Variants in VWA7 observed in about 807,000 individuals in gnomAD.
VWA7 encodes von Willebrand factor A domain containing 7, also known as von Willebrand factor A domain-containing protein 7.
VWA7 carries 66 observed loss-of-function variants against 83.1 expected under a neutral mutation model. The observed-to-expected ratio is 0.79, with a 90% CI of 0.65 to 0.98. VWA7 has a LOEUF of 0.98. Ranked by LOEUF, VWA7 falls within the 50% of genes least tolerant of loss-of-function variation. VWA7 has a pLI of 0.00. For missense variants in VWA7, 1,080 were observed against 1,160.2 expected (o/e 0.93, Z 1.00); for synonymous variants, 424 against 488.5 (o/e 0.87, Z 1.74).
chr6:31,768,682 A>G (rs1009078946), intron 10 of VWA7, among the ~76,000 whole-genome samples: 2 of 152,066 alleles, frequency 1.3e-5, no homozygotes, highest in Non-Finnish European at 2.9e-5. Context: ...GCTCTACTAA[A>G]AAAATACAAA....
Position 31,766,012 on chromosome 6 carries a change from C to T in VWA7, c.2370G>A (p.Leu790=), listed in dbSNP as rs778976169. ...CCGGGGCCGCTGAATCTGGGACCTC[C>T]AGCCACAGGCGGCCCCAGGCCGACT... is the stretch of plus-strand genomic sequence containing the variant. ...LNESAWGRLW[L]EVPDSAAPDS... The change falls in exon 16 of 17, where the codon CTG becomes CTA. Residue 790 remains leucine, a synonymous_variant. Coordinates refer to ENST00000375688, the MANE Select transcript of VWA7 (RefSeq NM_025258.3). This position sits in a 1 kb window ranked among gnomAD's most constrained non-coding sequence, Gnocchi z 4.9. The T allele has an allele frequency of 1.9e-6, 3 of 1,612,918 alleles. No homozygotes were observed. In the Admixed American group the frequency reaches 5.0e-5, roughly 27 times the overall value.
Position 31,775,512 on chromosome 6 carries a change from G to A in VWA7, c.514-83C>T, listed in dbSNP as rs966853820. On this transcript the variant is annotated intron_variant, in intron 3 of 16. Coordinates refer to ENST00000375688, the MANE Select transcript of VWA7 (RefSeq NM_025258.3). This position sits in a 1 kb window ranked among gnomAD's most constrained non-coding sequence, Gnocchi z 5.9. ...TCCAGCACTAATATGCCACTCCTTT[G>A]AGTTCCCCATCCCGAAAGTCCCCTC... 7.8e-7 allele frequency: 1 copy of A among 1,289,234 alleles called. No individual in the cohort carries two copies. The highest frequency in any genetic ancestry group is 1.1e-6 in the Non-Finnish European group (1 of 927,750). 79.9% of individuals were successfully genotyped at this position (1,289,234 alleles called of 1,614,324 possible).
chr6:31,767,968 TA>T (rs34176746), intron 10 of VWA7, among the ~76,000 whole-genome samples: 24,014 of 140,896 alleles, frequency 0.17, 2,103 homozygotes, highest in Admixed American at 0.23. Flanking sequence ...ACATCTCTAC[TA>T]AAAAAAAAAA....
At chr6:31,774,377 T>G (rs1812489106) in intron 5 of VWA7, 139 bp downstream of exon 5, 2 of 774,766 alleles carry the variant, frequency 2.6e-6, no homozygotes, top group Admixed American at 5.8e-5. Context: ...CAGGGGACTT[T>G]CCTCCACCCA....
chr6:31,765,956 C>T lies in VWA7; in HGVS notation c.2426G>A (p.Gly809Glu), dbSNP rs1044769180. 1.2e-6 allele frequency: 2 copies of T among 1,613,100 alleles called. No individual in the cohort carries two copies. Among genetic ancestry groups the T allele is most frequent in the Middle Eastern group, 1.6e-4 (1 of 6,062 alleles). The change falls in exon 16 of 17, where the codon GGG becomes GAG. Residue 809 changes from glycine (G) to glutamate (E), a missense_variant. Transcript: ENST00000375688. ...GGGTACTGGGTTGGCTTCTCGTCCCCCTGCAGTCACAGTCACCATCACCAC... is the reference window on the plus strand; with the variant it reads ...GGGTACTGGGTTGGCTTCTCGTCCCTCTGCAGTCACAGTCACCATCACCAC... ...DSVVMVTVTA[G>E]GREANPVPPT...
rs781191728 is a variant in VWA7 at position 31,776,095 on chromosome 6, A to T, written c.382T>A (p.Phe128Ile). 5 of 1,613,988 alleles carry T rather than the reference A, an allele frequency of 3.1e-6. No individual in the cohort carries two copies. In the Admixed American group the frequency reaches 8.3e-5, roughly 27 times the overall value. Residue 128 changes from phenylalanine to isoleucine, a missense_variant, in exon 3 of 17, where the codon TTT (phenylalanine) becomes ATT (isoleucine). By Grantham distance (21) the Phe-to-Ile change is conservative. Transcript: ENST00000375688. The surrounding 1 kb of genome is among the most constrained non-coding windows in gnomAD (Gnocchi z 6.2). ...CCCTGACCCAGTCGCTCAGCATCAA[A>T]GTGCAGGTCGGGGTCATTCCTGGAA... is the stretch of plus-strand genomic sequence containing the variant. ...PTSRNDPDLH[F>I]DAERLGQGRA... is the part of the protein sequence containing the mutation.
In VWA7 at chr6:31,766,694, C is replaced by A; in HGVS notation, c.1953G>T (p.Pro651=). The change falls in exon 14 of 17, where the codon CCG becomes CCT. Residue 651 remains proline, a synonymous_variant. Transcript: ENST00000375688. This position sits in a 1 kb window ranked among gnomAD's most constrained non-coding sequence, Gnocchi z 4.9. ...GSRANPGDPQ[P]HFSHVILRGV... is the part of the protein sequence containing the mutation. Reference sequence around the variant, plus strand: ...CTCGAAGGATGACGTGGGAGAAATGCGGCTGAGGATCCCCAGGATTGGCTC... The same window carrying A: ...CTCGAAGGATGACGTGGGAGAAATGAGGCTGAGGATCCCCAGGATTGGCTC... 1 of 1,612,486 alleles carries A rather than the reference C, an allele frequency of 6.2e-7. No homozygotes were observed. Among genetic ancestry groups the A allele is most frequent in the South Asian group, 1.1e-5 (1 of 91,050 alleles).
rs773855919 is a variant in VWA7 at position 31,767,653 on chromosome 6, G to A, written c.1605C>T (p.Asp535=). ...LQKITVRIHG[D]ISSFWIKNPA... ...GGTTCTTGATCCAGAAGCTGCTGAT[G>A]TCTCCGTGGATCCGGACTGTGATCT... Residue 535 remains aspartate (D), a synonymous_variant, in exon 11 of 17, where the codon GAC becomes GAT. Transcript: ENST00000375688. 7 of 1,613,234 alleles carry A rather than the reference G, an allele frequency of 4.3e-6. No homozygotes were observed. Among genetic ancestry groups the A allele is most frequent in the Middle Eastern group, 1.6e-4 (1 of 6,080 alleles).
chr6:31,776,044 G>C lies in VWA7; in HGVS notation c.433C>G (p.Arg145Gly), dbSNP rs1055621591. 6.2e-7 allele frequency: 1 copy of C among 1,613,648 alleles called. No individual in the cohort carries two copies. The highest frequency in any genetic ancestry group is 1.1e-5 in the South Asian group (1 of 91,080). ...GCCCTGGCTGCCACCACGGTCTCCC[G>C]CAGAGCCCCTACCAGGCGCGCGCGT... Reference protein sequence around the residue: ...QGRARLVGALRETVVAARALD... With the variant: ...QGRARLVGALGETVVAARALD... The change falls in exon 3 of 17, where the codon CGG (arginine) becomes GGG (glycine). Residue 145 changes from arginine (R) to glycine (G), a missense_variant. Arg to Gly is a moderately radical substitution (Grantham distance 125). Coordinates refer to ENST00000375688, the MANE Select transcript of VWA7 (RefSeq NM_025258.3). The surrounding 1 kb of genome is among the most constrained non-coding windows in gnomAD (Gnocchi z 6.2).
chr6:31,776,842 A>G lies in VWA7; in HGVS notation c.-15-48T>C. 2 of 1,143,606 alleles carry G rather than the reference A, an allele frequency of 1.7e-6. No individual in the cohort carries two copies. Among genetic ancestry groups the G allele is most frequent in the Non-Finnish European group, 2.3e-6 (2 of 851,498 alleles). The allele number at this position is 1,143,606 out of a possible 1,614,324, so 70.8% of individuals were successfully genotyped here. On this transcript the variant is annotated intron_variant, in intron 1 of 16. Transcript: ENST00000375688. This position sits in a 1 kb window ranked among gnomAD's most constrained non-coding sequence, Gnocchi z 6.2. Reference sequence around the variant, plus strand: ...GGGAGGAGGAAGCAGCCGCGATTCCAGGGCAGGCCGGCTCTGCGGGTCTCC... The same window carrying G: ...GGGAGGAGGAAGCAGCCGCGATTCCGGGGCAGGCCGGCTCTGCGGGTCTCC...
In VWA7 at chr6:31,766,816, A is replaced by G. The variant is rs1479246585; in HGVS notation, c.1883-52T>C. ...CATTGTGAGATTCGGAGACACAGGGAGAAAAGAATTAATGGCCTTCAAAAT... is the reference window on the plus strand; with the variant it reads ...CATTGTGAGATTCGGAGACACAGGGGGAAAAGAATTAATGGCCTTCAAAAT... On this transcript the variant is annotated intron_variant, in intron 13 of 16. Coordinates refer to ENST00000375688, the MANE Select transcript of VWA7 (RefSeq NM_025258.3). This position sits in a 1 kb window ranked among gnomAD's most constrained non-coding sequence, Gnocchi z 4.9. The G allele has an allele frequency of 1.1e-5, 17 of 1,546,584 alleles. No homozygotes were observed. Among genetic ancestry groups the G allele is most frequent in the Non-Finnish European group, 1.1e-5 (12 of 1,142,538 alleles).
intron 10 of VWA7, 110 bp downstream of exon 10, chr6:31,768,908 G>A: frequency 8.2e-7 from 1 of 1,214,248 alleles, no homozygotes. Context: ...CCTGCCCCGT[G>A]ACTGGAAGAA....
chr6:31,773,068 T>TC lies in VWA7; in HGVS notation c.972_973insG (p.Ser325GlufsTer4), dbSNP rs1812353518. The TC allele has an allele frequency of 2.5e-6, 4 of 1,612,466 alleles. No individual in the cohort carries two copies. The East Asian group carries it at 8.9e-5, about 36-fold the overall frequency. On this transcript the variant is annotated frameshift_variant, in exon 7 of 17. Coordinates refer to ENST00000375688, the MANE Select transcript of VWA7 (RefSeq NM_025258.3). LOFTEE classifies it high-confidence loss of function. The surrounding 1 kb of genome is among the most constrained non-coding windows in gnomAD (Gnocchi z 5.3). ...GCAGCGTTGATCTCCTCACCCATGC[T>TC]GCCCGTGGTGTCCAGGACAAAGCTC...
In VWA7 at chr6:31,776,520, G is replaced by T. The variant is rs1183126989; in HGVS notation, c.234+26C>A. ...CATGGAATTGGGGACTCTGGCAGGG[G>T]TGTGACAGGACCCTGGGATGCTCAC... On this transcript the variant is annotated intron_variant, in intron 2 of 16. Coordinates refer to ENST00000375688, the MANE Select transcript of VWA7 (RefSeq NM_025258.3). The surrounding 1 kb of genome is among the most constrained non-coding windows in gnomAD (Gnocchi z 6.2). 1 of 1,521,838 alleles carries T rather than the reference G, an allele frequency of 6.6e-7. No homozygotes were observed. Among genetic ancestry groups the T allele is most frequent in the Non-Finnish European group, 8.9e-7 (1 of 1,127,722 alleles). 94.3% of individuals were successfully genotyped at this position (1,521,838 alleles called of 1,614,324 possible).
chr6:31,777,248 C>CT lies in VWA7; in HGVS notation c.-156dup, dbSNP rs1812775385. 2.2e-6 allele frequency: 1 copy of CT among 461,404 alleles called. No homozygotes were observed. Among genetic ancestry groups the CT allele is most frequent in the African/African-American group, 2.0e-5 (1 of 50,866 alleles). 28.6% of individuals were successfully genotyped at this position (461,404 alleles called of 1,614,324 possible). On this transcript the variant is annotated 5_prime_UTR_variant, in exon 1 of 17. Transcript: ENST00000375688. This position sits in a 1 kb window ranked among gnomAD's most constrained non-coding sequence, Gnocchi z 5.8. ...GGGGGAGGACAGGCAACCCCTGGCC[C>CT]TTTCGCTCCTGCCTGCCCAAAGCCA...
chr6:31,773,565 G>T lies in VWA7; in HGVS notation c.722-128C>A. The stretch of plus-strand genomic sequence containing the variant: ...AAGGGTTCAGCAAGAAATGATGACG[G>T]GGTTGGCGCGGTGGCTCACGCCTGG... On this transcript the variant is annotated intron_variant, in intron 5 of 16. Coordinates refer to ENST00000375688, the MANE Select transcript of VWA7 (RefSeq NM_025258.3). This position sits in a 1 kb window ranked among gnomAD's most constrained non-coding sequence, Gnocchi z 5.3. 1.0e-6 allele frequency: 1 copy of T among 988,448 alleles called. No individual in the cohort carries two copies. 61.2% of individuals were successfully genotyped at this position (988,448 alleles called of 1,614,324 possible). A position where few individuals can be genotyped will look rare whatever the true frequency, so the allele number is the denominator to read the frequency against.
In VWA7 at chr6:31,769,059, G is replaced by A. The variant is rs751676583; in HGVS notation, c.1462C>T (p.Arg488Ter). The change falls in exon 10 of 17, where the codon CGA becomes TGA. Residue 488 changes from arginine to a stop codon, truncating the protein, a stop_gained. Coordinates refer to ENST00000375688, the MANE Select transcript of VWA7 (RefSeq NM_025258.3). LOFTEE classifies it high-confidence loss of function. This position sits in a 1 kb window ranked among gnomAD's most constrained non-coding sequence, Gnocchi z 4.5. ...EVIFTKDQHIRDVAAIVGESM... is the reference protein window; with the variant it reads ...EVIFTKDQHI ...TCCCCAACAATGGCTGCCACGTCTC[G>A]AATGTGCTGGTCTTTGGTGAAGATC... The A allele has an allele frequency of 1.4e-5, 23 of 1,612,958 alleles. No homozygotes were observed. The highest frequency in any genetic ancestry group is 1.2e-4 in the South Asian group (11 of 91,072).
intron 10 of VWA7, 38 bp downstream of exon 10, chr6:31,768,980 C>T: frequency 1.3e-6 from 2 of 1,573,422 alleles, no homozygotes; most frequent in Non-Finnish European, 1.7e-6. Flanking sequence ...GCCTGACCAC[C>T]CTTCAGTTCC....
chr6:31,775,191 C>T lies in VWA7; in HGVS notation c.610+142G>A, dbSNP rs748914237. The T allele has an allele frequency of 2.4e-5, 16 of 662,428 alleles. No homozygotes were observed. The highest frequency in any genetic ancestry group is 3.7e-5 in the Non-Finnish European group (15 of 410,024). The allele number at this position is 662,428 out of a possible 1,614,324, so 41.0% of individuals were successfully genotyped here. A position where few individuals can be genotyped will look rare whatever the true frequency, so the allele number is the denominator to read the frequency against. On this transcript the variant is annotated intron_variant, in intron 4 of 16. Coordinates refer to ENST00000375688, the MANE Select transcript of VWA7 (RefSeq NM_025258.3). This position sits in a 1 kb window ranked among gnomAD's most constrained non-coding sequence, Gnocchi z 5.9. Reference sequence around the variant, plus strand: ...GGGGAAGCTGCTTAACTGAGCCAGGCGTTGCTTGGACTGGGGGACCTCAGT... The same window carrying T: ...GGGGAAGCTGCTTAACTGAGCCAGGTGTTGCTTGGACTGGGGGACCTCAGT...
Sources: gnomAD v4.1 joint callset for allele counts (sites outside exome capture counted in the v4.1 genomes callset) on GRCh38, gnomAD v4.1.1 for gene constraint, Gnocchi (gnomAD v3.1) non-coding constraint, MANE v1.5 for transcripts, NCBI Gene and HGNC (gene_info 2026-07-23, HGNC 2026-07-21) for gene names.